TP63: variants seen among roughly 807,000 people sequenced by gnomAD.
The protein encoded by TP63 is tumor protein p63.
TP63 carries 17 observed loss-of-function variants against 82.8 expected under a neutral mutation model. The ratio of observed to expected loss-of-function variants is 0.21; its 90% CI spans 0.14 to 0.31. TP63 has a LOEUF of 0.31. Among genes scored for constraint, TP63 ranks in the 10% least tolerant of loss-of-function variants. TP63 has a pLI of 1.00. For missense variants in TP63, 648 were observed against 895.3 expected, an observed-to-expected ratio of 0.72 and a Z score of 3.52; for synonymous variants, 330 against 321.7, an observed-to-expected ratio of 1.03 and a Z score of -0.28.
intron 1 of TP63, among the ~76,000 whole-genome samples, chr3:189,658,444 A>G (rs1713582995): frequency 6.6e-6 from 1 of 152,058 alleles, no homozygotes; most frequent in South Asian, 2.1e-4. Flanking sequence ...AAAAAAGAAG[A>G]ACTTAAAAGT....
chr3:189,769,010 C>T (rs1157037751), intron 3 of TP63, among the ~76,000 whole-genome samples: 2 of 152,148 alleles, frequency 1.3e-5, no homozygotes, highest in Non-Finnish European at 2.9e-5. Flanking sequence ...TGTGTAACAT[C>T]AGCCAAGTTA....
chr3:189,789,517 C>T, intron 3 of TP63: 1 of 351,848 alleles, frequency 2.8e-6, no homozygotes, highest in Non-Finnish European at 4.7e-6. Context: ...GGAATTCTAA[C>T]TACTTAATGA....
At chr3:189,631,202 G>T, upstream of TP63, 1 of 983,350 alleles carries the variant, frequency 1.0e-6, no homozygotes, top group Non-Finnish European at 1.2e-6. Flanking sequence ...AACAACAAGT[G>T]TGGCTACTAT....
chr3:189,869,078 A>G (rs775689660), intron 8 of TP63, among the ~76,000 whole-genome samples: 15 of 152,132 alleles, frequency 9.9e-5, no homozygotes, highest in Non-Finnish European at 1.8e-4. Context: ...TCTTTTATGT[A>G]TTCTTCCCTA....
chr3:189,864,210 C>T, intron 4 of TP63, 22 bp from the exon 5 acceptor site: 1 of 1,614,066 alleles, frequency 6.2e-7, no homozygotes, highest in Non-Finnish European at 8.5e-7. Context: ...TTCCTTTCTC[C>T]ACTGGCCCCA....
At chr3:189,872,254 C>T (rs1448488950) in intron 9 of TP63, among the ~76,000 whole-genome samples, 2 of 38,770 alleles carry the variant, frequency 5.2e-5, no homozygotes, top group African/African-American at 7.4e-4. Context: ...CCTCTGGTCA[C>T]ATACATTTCA....
At chr3:189,733,803 A>G (rs971896331) in intron 1 of TP63, among the ~76,000 whole-genome samples, 2 of 152,086 alleles carry the variant, frequency 1.3e-5, no homozygotes, top group African/African-American at 4.8e-5. Context: ...TCTACTTACT[A>G]TTTGGCAGTA....
intron 4 of TP63, among the ~76,000 whole-genome samples, chr3:189,832,753 C>T (rs1400124635): frequency 2.0e-5 from 3 of 152,180 alleles, no homozygotes; most frequent in Non-Finnish European, 4.4e-5. Flanking sequence ...GTTCATGTAA[C>T]AGTTCTCCAG....
the TP63 span, among the ~76,000 whole-genome samples, chr3:189,622,627 C>T: frequency 6.6e-6 from 1 of 152,130 alleles, no homozygotes; most frequent in South Asian, 2.1e-4. Context: ...CTTTATTTTC[C>T]TAAATCCCGT....
chr3:189,656,973 A>T (rs1281046196), intron 1 of TP63, among the ~76,000 whole-genome samples: 1 of 151,706 alleles, frequency 6.6e-6, no homozygotes, highest in African/African-American at 2.4e-5. Flanking sequence ...CCATTCATAC[A>T]ATGAAATATT....
chr3:189,883,688 A>T (rs1460197564), intron 10 of TP63, among the ~76,000 whole-genome samples: 1 of 152,190 alleles, frequency 6.6e-6, no homozygotes, highest in African/African-American at 2.4e-5. Context: ...CTACAGGTTA[A>T]GAAAATGAGA....
chr3:189,747,421 A>C (rs1174610651), intron 3 of TP63, among the ~76,000 whole-genome samples: 1 of 152,106 alleles, frequency 6.6e-6, no homozygotes, highest in Non-Finnish European at 1.5e-5. Context: ...CAATGGGATA[A>C]AACTAGAAAA....
chr3:189,854,532 C>T (rs1160041340), intron 4 of TP63, among the ~76,000 whole-genome samples: 1 of 152,116 alleles, frequency 6.6e-6, no homozygotes, highest in Non-Finnish European at 1.5e-5. Flanking sequence ...TGCGCCCGGC[C>T]TCTCCTAAGT....
At chr3:189,818,978 C>T (rs1387657975) in intron 4 of TP63, among the ~76,000 whole-genome samples, 1 of 152,152 alleles carries the variant, frequency 6.6e-6, no homozygotes, top group Non-Finnish European at 1.5e-5. Flanking sequence ...AGTTTATCAC[C>T]TTTCTTATAA....
At chr3:189,701,087 A>T (rs746799819) in intron 1 of TP63, among the ~76,000 whole-genome samples, 4 of 152,098 alleles carry the variant, frequency 2.6e-5, no homozygotes, top group Non-Finnish European at 5.9e-5. Flanking sequence ...GAAACTGAAG[A>T]TTGTTCCTCC....
chr3:189,830,320 A>G (rs1362204580), intron 4 of TP63, among the ~76,000 whole-genome samples: 1 of 152,164 alleles, frequency 6.6e-6, no homozygotes, highest in East Asian at 1.9e-4. Flanking sequence ...AACAAAACAC[A>G]TCTACCTTCA....
intron 12 of TP63, among the ~76,000 whole-genome samples, chr3:189,889,703 A>T (rs1720822476): frequency 6.6e-6 from 1 of 152,214 alleles, no homozygotes. Flanking sequence ...GTCTGTTGAT[A>T]GGCATATTGT....
intron 10 of TP63, among the ~76,000 whole-genome samples, chr3:189,884,969 G>A (rs1183261074): frequency 6.6e-6 from 1 of 152,078 alleles, no homozygotes; most frequent in Non-Finnish European, 1.5e-5. Flanking sequence ...TTTTTAAAAT[G>A]ATTTTTTTCA....
At chr3:189,642,994 TATTTATTTATTTATTTATTC>T (rs1245415986) in intron 1 of TP63, among the ~76,000 whole-genome samples, 1 of 104,770 alleles carries the variant, frequency 9.5e-6, no homozygotes, top group African/African-American at 3.0e-5. Flanking sequence ...TTTATTTATT[TATTTATTTATTTATTTATTC>T]ATTTTAGATG....
Sources: allele counts gnomAD v4.1 joint callset (sites outside exome capture counted in the v4.1 genomes callset), GRCh38; gene constraint gnomAD v4.1.1; transcripts MANE v1.5; gene names NCBI Gene and HGNC (gene_info 2026-07-23, HGNC 2026-07-21).